The following PKD1L1 variants were observed in gnomAD, a reference collection of about 807,000 sequenced individuals.
PKD1L1 encodes polycystin-1-like protein 1.
In PKD1L1, 236 loss-of-function variants were observed where a neutral mutation model predicts 323.4. That is an observed-to-expected ratio of 0.73 (90% CI 0.66 to 0.81). The LOEUF (loss-of-function observed/expected upper bound fraction) is 0.81, where lower values mean the gene tolerates loss of function less well. Among genes scored for constraint, PKD1L1 ranks in the 40% least tolerant of loss-of-function variants. The pLI is 0.00. For missense variants in PKD1L1, 3,320 were observed against 3,508.0 expected (o/e 0.95, Z 1.35); for synonymous variants, 1,344 against 1,335.0 (o/e 1.01, Z -0.15).
chr7:47,803,416 C>T (rs1784709709), intron 52 of PKD1L1, 72 bp from the exon 53 acceptor site: 13 of 1,550,092 alleles, frequency 8.4e-6, no homozygotes, highest in Non-Finnish European at 9.7e-6. Context: ...TCACAGCTGT[C>T]AGTCATGCAT....
intron 25 of PKD1L1, among the ~76,000 whole-genome samples, chr7:47,865,625 G>A (rs1459737448): frequency 2.1e-5 from 2 of 94,514 alleles, no homozygotes; most frequent in African/African-American, 5.3e-5. Flanking sequence ...TCGCTTTGTC[G>A]CCCAGGCTGG....
In PKD1L1 at chr7:47,775,047, C is replaced by G. The variant is rs1786537222; in HGVS notation, c.*96G>C. 6 of 1,357,016 alleles carry G rather than the reference C, an allele frequency of 4.4e-6. No individual in the cohort carries two copies. The highest frequency in any genetic ancestry group is 1.5e-5 in the African/African-American group (1 of 68,614). The allele number at this position is 1,357,016 out of a possible 1,614,324, so 84.1% of individuals were successfully genotyped here. ...AACAAAACTTCTTCGTACCTCAGCT[C>G]TTCTCACCTGCAAAACTAGGATGTC... On this transcript the variant is annotated 3_prime_UTR_variant, in exon 57 of 57. Coordinates refer to ENST00000289672, the MANE Select transcript of PKD1L1 (RefSeq NM_138295.5).
chr7:47,889,318 G>C (rs1339337025), intron 16 of PKD1L1, among the ~76,000 whole-genome samples: 1 of 152,100 alleles, frequency 6.6e-6, no homozygotes, highest in Non-Finnish European at 1.5e-5. Flanking sequence ...GAGTAGCAGA[G>C]GTATATAGTA....
At chr7:47,783,079 A>G (rs933185182) in intron 56 of PKD1L1, among the ~76,000 whole-genome samples, 8 of 152,184 alleles carry the variant, frequency 5.3e-5, no homozygotes, top group Non-Finnish European at 1.2e-4. Flanking sequence ...AGGCTCTCCT[A>G]CATTCCTGCG....
At chr7:47,844,657 T>C (rs1785628523) in intron 33 of PKD1L1, among the ~76,000 whole-genome samples, 2 of 152,196 alleles carry the variant, frequency 1.3e-5, no homozygotes, top group Admixed American at 1.3e-4. Flanking sequence ...ACAGGCTCTT[T>C]AGGTATTATT....
rs150526436 is a variant in PKD1L1 at position 47,803,321 on chromosome 7, G to C, written c.7851C>G (p.Ile2617Met). 21 of 1,613,994 alleles carry C rather than the reference G, an allele frequency of 1.3e-5. No individual in the cohort carries two copies. In the African/African-American group the frequency reaches 2.8e-4, roughly 22 times the overall value. The change falls in exon 53 of 57, where the codon ATC becomes ATG. Residue 2617 changes from isoleucine (I) to methionine (M), a missense_variant. By Grantham distance (10) the Ile-to-Met change is conservative (BLOSUM62 1). Transcript: ENST00000289672. ...ATTTTAATGTGAAGAGGAATAAGAG[G>C]ATTCCCCGGAGCCATCGAGCCCTCT... Reference protein sequence around the residue: ...WNQRARWLRGILLFLFTLKCV... With the variant: ...WNQRARWLRGMLLFLFTLKCV...
At chr7:47,930,974 A>T (rs1369769560) in intron 6 of PKD1L1, 130 bp downstream of exon 6, 7 of 958,550 alleles carry the variant, frequency 7.3e-6, no homozygotes, top group Non-Finnish European at 9.2e-6. Flanking sequence ...CTTGAAAGTC[A>T]CTGGACTCAA....
Position 47,893,967 on chromosome 7 carries a change from T to C in PKD1L1, c.2364A>G (p.Thr788=). 1 of 1,613,928 alleles carries C rather than the reference T, an allele frequency of 6.2e-7. No individual in the cohort carries two copies. The highest frequency in any genetic ancestry group is 8.5e-7 in the Non-Finnish European group (1 of 1,179,954). ...AGGTGGTCCTGGAGAAGAATAGGTG[T>C]GTGCCCTCGGAGATCACACTGACAG... is the stretch of plus-strand genomic sequence containing the variant. The part of the protein sequence containing the change: ...QAPVSVISEG[T]HLFFSRTTSS... The change falls in exon 15 of 57, where the codon ACA becomes ACG. Residue 788 remains threonine (T), a synonymous_variant. Coordinates refer to ENST00000289672, the MANE Select transcript of PKD1L1 (RefSeq NM_138295.5).
In PKD1L1 at chr7:47,811,245, C is replaced by T. The variant is rs568630231; in HGVS notation, c.7581+572G>A. 3.8e-4 allele frequency among the ~76,000 whole-genome samples: 58 copies of T among 151,990 alleles called. 1 individual carries two copies. The South Asian group carries it at 9.8e-3, about 26-fold the overall frequency. ...CTCAGCTCACTGCAACCTCCGCCTC[C>T]CAGGTTCAAGAAATTCTCCCGCCTT... On this transcript the variant is annotated intron_variant, in intron 50 of 56. Coordinates refer to ENST00000289672, the MANE Select transcript of PKD1L1 (RefSeq NM_138295.5).
chr7:47,935,932 A>G (rs1787859774), intron 4 of PKD1L1, among the ~76,000 whole-genome samples: 1 of 152,264 alleles, frequency 6.6e-6, no homozygotes, highest in Admixed American at 6.5e-5. Context: ...GCATCGGTGA[A>G]AACAGTGGAA....
chr7:47,877,664 A>G (rs1302335222), intron 21 of PKD1L1, 33 bp from the exon 22 acceptor site: 9 of 1,608,014 alleles, frequency 5.6e-6, no homozygotes, highest in Middle Eastern at 1.7e-4. Flanking sequence ...GGTTTCACCC[A>G]TGATGGAGAA....
chr7:47,779,989 A>C (rs1038856466), intron 56 of PKD1L1, among the ~76,000 whole-genome samples: 10 of 152,102 alleles, frequency 6.6e-5, no homozygotes, highest in African/African-American at 2.2e-4. Context: ...TTTTCAACTT[A>C]TTGTAATTTT....
intron 50 of PKD1L1, among the ~76,000 whole-genome samples, chr7:47,810,515 A>T (rs1209097840): frequency 6.6e-6 from 1 of 152,190 alleles, no homozygotes; most frequent in Non-Finnish European, 1.5e-5. Flanking sequence ...GACCCTGACC[A>T]GTGGCCCATG....
chr7:47,898,236 C>T, intron 13 of PKD1L1, 42 bp from the exon 14 acceptor site: 2 of 1,503,358 alleles, frequency 1.3e-6, no homozygotes, highest in South Asian at 1.2e-5. Context: ...AAATGTCCAT[C>T]ACATCTAATG....
At chr7:47,866,264 A>G (rs1786166660) in intron 25 of PKD1L1, among the ~76,000 whole-genome samples, 155 bp downstream of exon 25, 1 of 152,234 alleles carries the variant, frequency 6.6e-6, no homozygotes, top group African/African-American at 2.4e-5. Context: ...GAGAGACCAC[A>G]GCCATGTATG....
Position 47,840,707 on chromosome 7 carries a change from G to A in PKD1L1, c.5446-140C>T. On this transcript the variant is annotated intron_variant, in intron 34 of 56. Coordinates refer to ENST00000289672, the MANE Select transcript of PKD1L1 (RefSeq NM_138295.5). The surrounding 1 kb of genome is among the most constrained non-coding windows in gnomAD (Gnocchi z 4.1). Reference sequence around the variant, plus strand: ...CTGCACGGTGGAGTGCCACAGCCTAGAGCCAGGGGATGAGTGGGCACGTCC... The same window carrying A: ...CTGCACGGTGGAGTGCCACAGCCTAAAGCCAGGGGATGAGTGGGCACGTCC... The A allele has an allele frequency of 1.6e-6, 1 of 634,400 alleles. No individual in the cohort carries two copies. The highest frequency in any genetic ancestry group is 2.8e-5 in the East Asian group (1 of 36,246). The allele number at this position is 634,400 out of a possible 1,614,324, so 39.3% of individuals were successfully genotyped here.
intron 1 of PKD1L1, 136 bp from the exon 2 acceptor site, chr7:47,943,647 A>C (rs893826174): frequency 1.5e-6 from 1 of 651,012 alleles, no homozygotes; most frequent in African/African-American, 1.8e-5. Context: ...CTGCCATATG[A>C]ACAAAAAGAC....
chr7:47,888,223 A>G (rs1458268448), intron 16 of PKD1L1, 73 bp from the exon 17 acceptor site: 1 of 1,466,828 alleles, frequency 6.8e-7, no homozygotes, highest in African/African-American at 1.4e-5. Context: ...AATTCATGTT[A>G]GGCATGTTTA....
In PKD1L1 at chr7:47,899,773, G is replaced by A. The variant is rs138433885; in HGVS notation, c.2065-1579C>T. ...AGATCAAGACCATCCTGGCTAACACGGTGAAACCCTGTTTTTACTAAAAAT... is the reference window on the plus strand; with the variant it reads ...AGATCAAGACCATCCTGGCTAACACAGTGAAACCCTGTTTTTACTAAAAAT... On this transcript the variant is annotated intron_variant, in intron 13 of 56. Transcript: ENST00000289672. Among the ~76,000 whole-genome samples, 212 of 152,138 alleles carry A rather than the reference G, an allele frequency of 1.4e-3. 3 individuals carry two copies. The East Asian group carries it at 0.018, about 13-fold the overall frequency.
Sources: gnomAD v4.1 joint callset for allele counts (sites outside exome capture counted in the v4.1 genomes callset) on GRCh38, gnomAD v4.1.1 for gene constraint, Gnocchi (gnomAD v3.1) non-coding constraint, MANE v1.5 for transcripts, NCBI Gene and HGNC (gene_info 2026-07-23, HGNC 2026-07-21) for gene names.